Variants in CNTN6 observed in about 807,000 individuals in gnomAD.
The protein encoded by CNTN6 is contactin-6.
Under a neutral mutation model 122.8 loss-of-function variants are expected in CNTN6, and 137 were observed. The ratio of observed to expected loss-of-function variants is 1.12; its 90% CI spans 0.97 to 1.29. CNTN6 has a LOEUF of 1.29. Among genes scored for constraint, CNTN6 ranks in the 50% most tolerant of loss-of-function variants. CNTN6 has a pLI of 0.00. For missense variants in CNTN6, 1,634 were observed against 1,223.4 expected (o/e 1.34, Z -5.01); for synonymous variants, 570 against 426.0 (o/e 1.34, Z -4.16).
intron 4 of CNTN6, among the ~76,000 whole-genome samples, chr3:1,271,358 A>G (rs1187759746): frequency 1.3e-5 from 2 of 152,236 alleles, no homozygotes; most frequent in East Asian, 1.9e-4. Flanking sequence ...TAGGGAAGTT[A>G]TAGAAGAGAG....
At chr3:1,194,956 T>TA (rs972550645) in intron 2 of CNTN6, among the ~76,000 whole-genome samples, 20 of 150,980 alleles carry the variant, frequency 1.3e-4, no homozygotes, top group Admixed American at 4.0e-4. Context: ...TCTTAGAGAT[T>TA]AAAAAAAAAG....
chr3:1,241,780 C>T (rs532599893), intron 4 of CNTN6, among the ~76,000 whole-genome samples: 1 of 152,298 alleles, frequency 6.6e-6, no homozygotes, highest in South Asian at 2.1e-4. Context: ...CAGTCAAGGC[C>T]TCGGCGGTTT....
chr3:1,250,845 C>G (rs1449341141), intron 4 of CNTN6, among the ~76,000 whole-genome samples: 4 of 152,146 alleles, frequency 2.6e-5, no homozygotes, highest in African/African-American at 9.7e-5. Context: ...ACTGCTGATT[C>G]TTTTCTCCAA....
chr3:1,103,604 C>T (rs2091064883), intron 1 of CNTN6, among the ~76,000 whole-genome samples: 1 of 152,172 alleles, frequency 6.6e-6, no homozygotes, highest in African/African-American at 2.4e-5. Flanking sequence ...AAAAGAGAGA[C>T]TGGAGTTTAA....
At chr3:1,351,361 T>C (rs1409208564) in intron 11 of CNTN6, among the ~76,000 whole-genome samples, 1 of 152,002 alleles carries the variant, frequency 6.6e-6, no homozygotes, top group Non-Finnish European at 1.5e-5. Flanking sequence ...AAACTGTTGT[T>C]AAAAATTAGT....
intron 3 of CNTN6, among the ~76,000 whole-genome samples, chr3:1,225,340 C>A (rs957167067): frequency 3.3e-5 from 5 of 151,712 alleles, no homozygotes; most frequent in Admixed American, 6.5e-5. Context: ...AGGAGTTGAA[C>A]CCCTGATCTA....
chr3:1,387,938 G>C (rs1284042706), intron 20 of CNTN6, among the ~76,000 whole-genome samples: 2 of 152,128 alleles, frequency 1.3e-5, no homozygotes, highest in African/African-American at 4.8e-5. Context: ...CTGATTGCTA[G>C]CACAGCAGTC....
intron 4 of CNTN6, among the ~76,000 whole-genome samples, chr3:1,274,499 GTTA>G (rs1260162694): frequency 2.0e-5 from 3 of 152,216 alleles, no homozygotes; most frequent in Admixed American, 2.0e-4. Context: ...AAATACTTTT[GTTA>G]TTAAAAGTAT....
chr3:1,169,680 T>G (rs1269701613), intron 2 of CNTN6, among the ~76,000 whole-genome samples: 1 of 152,186 alleles, frequency 6.6e-6, no homozygotes, highest in African/African-American at 2.4e-5. Context: ...ATTTTTAAAA[T>G]AAAAATGGTC....
At chr3:1,363,118 T>C (rs188385538) in intron 12 of CNTN6, among the ~76,000 whole-genome samples, 72 of 152,040 alleles carry the variant, frequency 4.7e-4, no homozygotes, top group Admixed American at 2.2e-3. Context: ...ATTTCATATA[T>C]TTAAGGGGTA....
At chr3:1,200,225 G>A (rs1288298006) in intron 2 of CNTN6, among the ~76,000 whole-genome samples, 1 of 152,096 alleles carries the variant, frequency 6.6e-6, no homozygotes, top group Non-Finnish European at 1.5e-5. Flanking sequence ...GTAGAGATGG[G>A]GTTTCACCAT....
chr3:1,175,108 T>C (rs1482437958), intron 2 of CNTN6, among the ~76,000 whole-genome samples: 1 of 150,992 alleles, frequency 6.6e-6, no homozygotes, highest in South Asian at 2.1e-4. Flanking sequence ...GTGGTGTGCC[T>C]GTAGTCACAG....
intron 1 of CNTN6, among the ~76,000 whole-genome samples, chr3:1,137,594 C>T (rs1490542962): frequency 6.6e-6 from 1 of 152,084 alleles, no homozygotes; most frequent in Non-Finnish European, 1.5e-5. Flanking sequence ...TGTCATTTAT[C>T]TATTCCTAGT....
chr3:1,104,444 C>T (rs116317554), intron 1 of CNTN6, among the ~76,000 whole-genome samples: 17 of 152,180 alleles, frequency 1.1e-4, no homozygotes, highest in African/African-American at 4.1e-4. Context: ...TAATCACAGA[C>T]CCAACTCTTT....
chr3:1,299,358 A>G (rs922118619), intron 7 of CNTN6, among the ~76,000 whole-genome samples: 2 of 152,166 alleles, frequency 1.3e-5, no homozygotes, highest in African/African-American at 2.4e-5. Flanking sequence ...AAGAAAACCA[A>G]TGAAAGAGAG....
intron 12 of CNTN6, among the ~76,000 whole-genome samples, chr3:1,366,367 G>A (rs41427850): frequency 0.071 from 10,730 of 152,020 alleles, 423 homozygotes; most frequent in Non-Finnish European, 0.088. Flanking sequence ...AGATCTCACC[G>A]ATCCATAAAT....
chr3:1,118,943 T>C (rs566263742), intron 1 of CNTN6, among the ~76,000 whole-genome samples: 55 of 152,228 alleles, frequency 3.6e-4, no homozygotes, highest in African/African-American at 1.3e-3. Flanking sequence ...TAATCTCTGA[T>C]CCATGAATTC....
At chr3:1,346,681 A>G (rs966518253) in intron 11 of CNTN6, among the ~76,000 whole-genome samples, 1 of 152,108 alleles carries the variant, frequency 6.6e-6, no homozygotes, top group African/African-American at 2.4e-5. Context: ...TTCTTTATAA[A>G]TTACTGAGTC....
chr3:1,136,669 T>A (rs2092483080), intron 1 of CNTN6, among the ~76,000 whole-genome samples: 1 of 152,174 alleles, frequency 6.6e-6, no homozygotes, highest in Admixed American at 6.5e-5. Flanking sequence ...GCACCTCTAA[T>A]AAGTAGAAAT....
Sources: gnomAD v4.1 joint callset for allele counts (sites outside exome capture counted in the v4.1 genomes callset) on GRCh38, gnomAD v4.1.1 for gene constraint, MANE v1.5 for transcripts, NCBI Gene and HGNC (gene_info 2026-07-23, HGNC 2026-07-21) for gene names.